The following TRIM54 variants were observed in gnomAD, a reference collection of about 807,000 sequenced individuals.
TRIM54 encodes tripartite motif-containing protein 54.
Under a neutral mutation model 42.0 loss-of-function variants are expected in TRIM54, and 40 were observed. That is an observed-to-expected ratio of 0.95 (90% CI 0.74 to 1.24). The LOEUF is 1.24. TRIM54 is among the 50% of genes most tolerant of loss of function. The pLI, the probability that TRIM54 is intolerant of heterozygous loss-of-function variation, is 0.00. For synonymous variants in TRIM54, 199 were observed against 194.9 expected (o/e 1.02, Z -0.17); for missense variants, 485 against 480.3 (o/e 1.01, Z -0.09).
chr2:27,305,589 T>C lies in TRIM54; in HGVS notation c.615T>C (p.Asn205=), dbSNP rs775435888. The C allele has an allele frequency of 1.2e-6, 2 of 1,612,568 alleles. No individual in the cohort carries two copies. Among genetic ancestry groups the C allele is most frequent in the South Asian group, 1.1e-5 (1 of 90,910 alleles). ...CCTTGCTCCCCATCTTTTAGGACAA[T>C]AGCCGGAGGCAGAAGCAGTTGTTAA... ...MEEVCQTIED[N]SRRQKQLLNQ... The change falls in exon 5 of 9, where the codon AAT becomes AAC. Residue 205 remains asparagine (N), a synonymous_variant. Transcript: ENST00000380075.
intron 3 of TRIM54, among the ~76,000 whole-genome samples, chr2:27,302,586 G>A (rs966178039): frequency 6.6e-6 from 1 of 152,040 alleles, no homozygotes; most frequent in African/African-American, 2.4e-5. Flanking sequence ...AAGGTCAGGA[G>A]TTCCAAACCA....
At chr2:27,290,334 A>G (rs961947769) in intron 1 of TRIM54, among the ~76,000 whole-genome samples, 33 of 152,226 alleles carry the variant, frequency 2.2e-4, no homozygotes, top group African/African-American at 8.0e-4. Flanking sequence ...ACATTAAAGA[A>G]TGAGGTCTAG....
In TRIM54 at chr2:27,305,011, A is replaced by G; in HGVS notation, c.566A>G (p.Gln189Arg). 4 of 1,614,124 alleles carry G rather than the reference A, an allele frequency of 2.5e-6. No homozygotes were observed. Among genetic ancestry groups the G allele is most frequent in the Non-Finnish European group, 3.4e-6 (4 of 1,179,988 alleles). The change falls in exon 4 of 9, where the codon CAA (glutamine) becomes CGA (arginine). Residue 189 changes from glutamine (Q) to arginine (R), a missense_variant. By Grantham distance (43) the Gln-to-Arg change is conservative. Coordinates refer to ENST00000380075, the MANE Select transcript of TRIM54 (RefSeq NM_187841.3). ...AMLVAGNDRV[Q>R]AVITQMEEVC... ...CTGGTGGCAGGCAATGACCGCGTGC[A>G]AGCAGTGATCACACAGATGGAGGAG... is the stretch of plus-strand genomic sequence containing the variant.
chr2:27,295,021 G>T (rs956913154), intron 1 of TRIM54, among the ~76,000 whole-genome samples: 1 of 151,556 alleles, frequency 6.6e-6, no homozygotes, highest in Non-Finnish European at 1.5e-5. Context: ...TCTATTTCTT[G>T]TAGACTAAGT....
rs77326953 is a variant in TRIM54 at position 27,282,578 on chromosome 2, C to A, written c.-154C>A. 1,631 of 760,002 alleles carry A rather than the reference C, an allele frequency of 2.1e-3. 24 individuals carry two copies. In the African/African-American group the frequency reaches 0.025, roughly 12 times the overall value. The allele number at this position is 760,002 out of a possible 1,614,324, so 47.1% of individuals were successfully genotyped here. ...ACTGTCCGAAGACTGCTATCTGGGACGAGACAAGTTGTTAAAGGGACAGGA... is the reference window on the plus strand; with the variant it reads ...ACTGTCCGAAGACTGCTATCTGGGAAGAGACAAGTTGTTAAAGGGACAGGA... On this transcript the variant is annotated 5_prime_UTR_variant, in exon 1 of 9. Coordinates refer to ENST00000380075, the MANE Select transcript of TRIM54 (RefSeq NM_187841.3).
At chr2:27,288,341 C>T (rs1052984934) in intron 1 of TRIM54, among the ~76,000 whole-genome samples, 2 of 152,178 alleles carry the variant, frequency 1.3e-5, no homozygotes, top group African/African-American at 2.4e-5. Flanking sequence ...AACATTCTGA[C>T]ATAAGTATGG....
intron 3 of TRIM54, chr2:27,304,696 C>A: frequency 2.4e-6 from 1 of 408,516 alleles, no homozygotes; most frequent in Non-Finnish European, 4.4e-6. Flanking sequence ...AGTATCTAGC[C>A]CAGTGTCTGG....
chr2:27,300,231 G>A (rs1012179250), intron 3 of TRIM54, among the ~76,000 whole-genome samples: 1 of 152,122 alleles, frequency 6.6e-6, no homozygotes, highest in African/African-American at 2.4e-5. Context: ...GAGTGCAATG[G>A]CACGATCTCG....
At chr2:27,287,421 G>A (rs1310060100) in intron 1 of TRIM54, among the ~76,000 whole-genome samples, 1 of 151,972 alleles carries the variant, frequency 6.6e-6, no homozygotes, top group Admixed American at 6.6e-5. Flanking sequence ...TGCCCAGGTT[G>A]TTCTCCAACT....
chr2:27,287,449 C>G (rs1025420565), intron 1 of TRIM54, among the ~76,000 whole-genome samples: 3 of 152,066 alleles, frequency 2.0e-5, no homozygotes, highest in African/African-American at 7.2e-5. Context: ...TCAAAGGATC[C>G]TCCCACCTCA....
In TRIM54 at chr2:27,305,025, C is replaced by T. The variant is rs1272709547; in HGVS notation, c.580C>T (p.Gln194Ter). The stretch of plus-strand genomic sequence containing the variant: ...TGACCGCGTGCAAGCAGTGATCACA[C>T]AGATGGAGGAGGTGTGCCAGACTAT... ...GNDRVQAVIT[Q>*]MEEVCQTIED... The change falls in exon 4 of 9, where the codon CAG becomes TAG. Residue 194 changes from glutamine to a stop codon, truncating the protein, a stop_gained. Transcript: ENST00000380075. LOFTEE classifies it high-confidence loss of function. 6.2e-7 allele frequency: 1 copy of T among 1,614,058 alleles called. No individual in the cohort carries two copies.
chr2:27,297,439 A>C (rs1427667544), intron 1 of TRIM54, among the ~76,000 whole-genome samples: 1 of 152,218 alleles, frequency 6.6e-6, no homozygotes, highest in African/African-American at 2.4e-5. Flanking sequence ...CTTCTAGGAT[A>C]GGATGGAGCA....
intron 1 of TRIM54, among the ~76,000 whole-genome samples, chr2:27,297,980 CAA>C (rs60106105): frequency 3.2e-4 from 18 of 56,864 alleles, no homozygotes; most frequent in East Asian, 7.4e-4. Context: ...GAACCTGTCT[CAA>C]AAAAAAAAAA....
intron 1 of TRIM54, among the ~76,000 whole-genome samples, chr2:27,295,890 G>T (rs561499935): frequency 7.2e-5 from 11 of 152,278 alleles, no homozygotes; most frequent in African/African-American, 2.4e-4. Context: ...GCAAACAAAA[G>T]GCAAGTGATT....
intron 1 of TRIM54, among the ~76,000 whole-genome samples, chr2:27,295,214 G>A (rs1457859837): frequency 6.6e-6 from 1 of 151,832 alleles, no homozygotes; most frequent in Non-Finnish European, 1.5e-5. Flanking sequence ...GAGTAGCTGG[G>A]ATCCTCAACC....
At chr2:27,305,559 C>T (rs2148205796) in intron 4 of TRIM54, 25 bp from the exon 5 acceptor site, 1 of 1,598,310 alleles carries the variant, frequency 6.3e-7, no homozygotes, top group East Asian at 2.2e-5. Flanking sequence ...CACGCCTTCC[C>T]TCATCCTTGC....
At position 27,307,425 on chromosome 2, in the gene TRIM54, A is replaced by G; in HGVS notation, c.*540A>G. ...GGGTCTTCAGTACTTTTATTAAAAA[A>G]TAGTCACGCAGACAGTGCCCTGGTG... On this transcript the variant is annotated 3_prime_UTR_variant, in exon 9 of 9. Coordinates refer to ENST00000380075, the MANE Select transcript of TRIM54 (RefSeq NM_187841.3). The surrounding 1 kb of genome is among the most constrained non-coding windows in gnomAD (Gnocchi z 6.9). The G allele has an allele frequency of 6.5e-7, 1 of 1,544,852 alleles. No homozygotes were observed. The highest frequency in any genetic ancestry group is 1.2e-5 in the South Asian group (1 of 84,024).
intron 1 of TRIM54, among the ~76,000 whole-genome samples, chr2:27,292,861 C>T (rs1185980399): frequency 1.3e-5 from 2 of 152,220 alleles, no homozygotes; most frequent in African/African-American, 4.8e-5. Flanking sequence ...ATGTTACAGA[C>T]TGCAGACCTG....
Position 27,305,083 on chromosome 2 carries a change from C to T in TRIM54, c.609+29C>T, listed in dbSNP as rs200897132. The T allele has an allele frequency of 1.8e-4, 283 of 1,590,628 alleles. 1 individual carries two copies. In the African/African-American group the frequency reaches 3.7e-3, roughly 21 times the overall value. ...AGCCTGGGCTGGAGGGAGGGAGGAA[C>T]AGCAACTGGCTAGCCTGCGGACCCC... On this transcript the variant is annotated intron_variant, in intron 4 of 8. Transcript: ENST00000380075.
Sources: allele counts gnomAD v4.1 joint callset (sites outside exome capture counted in the v4.1 genomes callset), GRCh38; gene constraint gnomAD v4.1.1; non-coding constraint Gnocchi (gnomAD v3.1); transcripts MANE v1.5; gene names NCBI Gene and HGNC (gene_info 2026-07-23, HGNC 2026-07-21).